KCTD16: variants seen among roughly 807,000 people sequenced by gnomAD.
KCTD16 encodes BTB/POZ domain-containing protein KCTD16.
Under a neutral mutation model 33.2 loss-of-function variants are expected in KCTD16, and 13 were observed. The observed-to-expected ratio is 0.39, with a 90% CI of 0.25 to 0.62. The LOEUF (loss-of-function observed/expected upper bound fraction) is 0.62. KCTD16 is among the 20% of genes least tolerant of loss of function. The pLI is 0.50. For missense variants in KCTD16, 441 were observed against 525.1 expected, an observed-to-expected ratio of 0.84 and a Z score of 1.57; for synonymous variants, 197 against 195.3, an observed-to-expected ratio of 1.01 and a Z score of -0.07.
chr5:144,298,509 C>A (rs1740259437), intron 3 of KCTD16, among the ~76,000 whole-genome samples: 1 of 152,126 alleles, frequency 6.6e-6, no homozygotes, highest in African/African-American at 2.4e-5. Flanking sequence ...GGTGTAGGTA[C>A]TCAATTGTGA....
chr5:144,225,305 G>C (rs1398258139), intron 3 of KCTD16, among the ~76,000 whole-genome samples: 4 of 151,838 alleles, frequency 2.6e-5, no homozygotes, highest in Non-Finnish European at 5.9e-5. Flanking sequence ...TTAAGAAATT[G>C]AACCAGATTG....
At chr5:144,195,939 T>C (rs1752931826) in intron 2 of KCTD16, among the ~76,000 whole-genome samples, 1 of 152,230 alleles carries the variant, frequency 6.6e-6, no homozygotes, top group African/African-American at 2.4e-5. Flanking sequence ...CATCACTTTC[T>C]CCTGTGTGCC....
At chr5:144,272,291 G>A (rs1236978827) in intron 3 of KCTD16, among the ~76,000 whole-genome samples, 2 of 152,080 alleles carry the variant, frequency 1.3e-5, no homozygotes, top group Non-Finnish European at 2.9e-5. Flanking sequence ...TTAGCCAGAT[G>A]TGGTGATCCA....
intron 2 of KCTD16, chr5:144,205,844 A>G (rs1402757303): frequency 3.0e-6 from 1 of 335,334 alleles, no homozygotes; most frequent in Non-Finnish European, 5.3e-6. Flanking sequence ...AAATACAAAT[A>G]GGCATTTATA....
chr5:144,462,149 CTTCCT>C (rs1384470902), intron 3 of KCTD16, among the ~76,000 whole-genome samples: 2 of 151,932 alleles, frequency 1.3e-5, no homozygotes, highest in Non-Finnish European at 2.9e-5. Flanking sequence ...TCCTTCTTTG[CTTCCT>C]TTACTGTCTC....
At chr5:144,292,843 A>T (rs1755930650) in intron 3 of KCTD16, among the ~76,000 whole-genome samples, 1 of 152,202 alleles carries the variant, frequency 6.6e-6, no homozygotes, top group African/African-American at 2.4e-5. Context: ...AGAAGCCAGA[A>T]TCCACAGAGA....
chr5:144,237,613 A>G (rs988426076), intron 3 of KCTD16, among the ~76,000 whole-genome samples: 2 of 152,070 alleles, frequency 1.3e-5, no homozygotes, highest in African/African-American at 4.8e-5. Flanking sequence ...CCCTAAATCT[A>G]TTACATTTGC....
Position 144,429,607 on chromosome 5 carries a change from C to T in KCTD16, c.833-44053C>T, listed in dbSNP as rs528062561. Among the ~76,000 whole-genome samples, 11 of 152,192 alleles carry T rather than the reference C, an allele frequency of 7.2e-5. No homozygotes were observed. In the South Asian group the frequency reaches 2.3e-3, roughly 32 times the overall value. ...TGATTGGCAAGGTCTGAGTCATACA[C>T]CTATCCTTGGCTGGGGATGCAGTAC... On this transcript the variant is annotated intron_variant, in intron 3 of 3. Transcript: ENST00000512467.
At chr5:144,255,384 T>C (rs1229818410) in intron 3 of KCTD16, among the ~76,000 whole-genome samples, 1 of 152,148 alleles carries the variant, frequency 6.6e-6, no homozygotes, top group Non-Finnish European at 1.5e-5. Flanking sequence ...GGTGGTTCTT[T>C]ATTTAAGTTT....
chr5:144,446,023 T>C (rs891095038), intron 3 of KCTD16, among the ~76,000 whole-genome samples: 1 of 151,904 alleles, frequency 6.6e-6, no homozygotes, highest in African/African-American at 2.4e-5. Context: ...TACTTTCTTG[T>C]TTTTTCTTCT....
At chr5:144,323,732 T>C (rs552996739) in intron 3 of KCTD16, among the ~76,000 whole-genome samples, 2 of 152,274 alleles carry the variant, frequency 1.3e-5, no homozygotes, top group African/African-American at 4.8e-5. Context: ...AGGCACATTT[T>C]CACAGCCACC....
chr5:144,411,314 A>G (rs1046815932), intron 3 of KCTD16, among the ~76,000 whole-genome samples: 1 of 152,216 alleles, frequency 6.6e-6, no homozygotes, highest in Non-Finnish European at 1.5e-5. Flanking sequence ...CCAAATCATC[A>G]TAATAGTGGC....
At chr5:144,174,091 G>A (rs138257164) in intron 1 of KCTD16, among the ~76,000 whole-genome samples, 366 of 152,124 alleles carry the variant, frequency 2.4e-3, no homozygotes, top group African/African-American at 8.5e-3. Flanking sequence ...TAATAGCTGC[G>A]CAGTCCTTCC....
intron 3 of KCTD16, among the ~76,000 whole-genome samples, chr5:144,225,932 A>G (rs888006035): frequency 1.3e-5 from 2 of 152,216 alleles, no homozygotes; most frequent in African/African-American, 4.8e-5. Flanking sequence ...TTGCAACCAA[A>G]AAACTAGAAA....
intron 3 of KCTD16, among the ~76,000 whole-genome samples, chr5:144,228,140 A>G (rs1753990043): frequency 6.6e-6 from 1 of 152,154 alleles, no homozygotes; most frequent in African/African-American, 2.4e-5. Context: ...TGACAATACT[A>G]AGGAAGTAAT....
chr5:144,433,910 G>A (rs1298359114), intron 3 of KCTD16, among the ~76,000 whole-genome samples: 1 of 152,124 alleles, frequency 6.6e-6, no homozygotes, highest in Non-Finnish European at 1.5e-5. Flanking sequence ...AATGCATTCT[G>A]TGAGGCAGCT....
intron 3 of KCTD16, among the ~76,000 whole-genome samples, chr5:144,423,621 C>T (rs1408032408): frequency 1.3e-5 from 2 of 151,980 alleles, no homozygotes; most frequent in African/African-American, 4.8e-5. Flanking sequence ...CTCACAACAA[C>T]AAAAATATTT....
chr5:144,349,462 T>C (rs902596910), intron 3 of KCTD16, among the ~76,000 whole-genome samples: 9 of 152,224 alleles, frequency 5.9e-5, no homozygotes, highest in African/African-American at 2.2e-4. Flanking sequence ...AAGTTATAGA[T>C]GCTATACAGT....
At chr5:144,315,477 G>A (rs1214320649) in intron 3 of KCTD16, among the ~76,000 whole-genome samples, 1 of 151,982 alleles carries the variant, frequency 6.6e-6, no homozygotes, top group African/African-American at 2.4e-5. Context: ...TTAAAACAAT[G>A]GAGAAATACT....
Sources: gnomAD v4.1 joint callset for allele counts (sites outside exome capture counted in the v4.1 genomes callset) on GRCh38, gnomAD v4.1.1 for gene constraint, MANE v1.5 for transcripts, NCBI Gene and HGNC (gene_info 2026-07-23, HGNC 2026-07-21) for gene names.